The following ARPP19 variants were observed in gnomAD, a reference collection of about 807,000 sequenced individuals.
ARPP19 encodes the protein cAMP regulated phosphoprotein 19, also known as cAMP-regulated phosphoprotein 19.
Under a neutral mutation model 12.0 loss-of-function variants are expected in ARPP19, and 8 were observed. That is an observed-to-expected ratio of 0.67 (90% confidence interval 0.39 to 1.21). The LOEUF is 1.21. Among genes scored for constraint, ARPP19 ranks in the 50% most tolerant of loss-of-function variants. The pLI is 0.01. For synonymous variants in ARPP19, 47 were observed against 50.4 expected, an observed-to-expected ratio of 0.93 and a Z score of 0.29; for missense variants, 102 against 136.3, an observed-to-expected ratio of 0.75 and a Z score of 1.25.
At chr15:52,569,063 G>A (rs987772137), upstream of ARPP19, 4 of 582,678 alleles carry the variant, frequency 6.9e-6, no homozygotes, top group African/African-American at 4.1e-5. Flanking sequence ...CGCTGGCCAA[G>A]GCCCTCGCAC....
In ARPP19 at chr15:52,548,869, G is replaced by GT. The variant is rs1356169376; in HGVS notation, c.*3064_*3065insA. ...ATAGTTTTGTTTCATCAAGTAAAAA[G>GT]AGCAACTAATTCCAACTGTTGAAGT... On this transcript the variant is annotated 3_prime_UTR_variant, in exon 3 of 3. Coordinates refer to ENST00000249822, the MANE Select transcript of ARPP19 (RefSeq NM_006628.6). 6.6e-6 allele frequency: 1 copy of GT among 152,650 alleles called. No individual in the cohort carries two copies. Among genetic ancestry groups the GT allele is most frequent in the Non-Finnish European group, 1.5e-5 (1 of 68,048 alleles). 9.5% of individuals were successfully genotyped at this position (152,650 alleles called of 1,614,324 possible).
intron 1 of ARPP19, 88 bp from the exon 2 acceptor site, chr15:52,557,310 G>T: frequency 9.3e-7 from 1 of 1,070,076 alleles, no homozygotes; most frequent in Non-Finnish European, 1.3e-6. Context: ...CTGAATTCTA[G>T]TTGTTAAATG....
intron 1 of ARPP19, among the ~76,000 whole-genome samples, chr15:52,567,484 G>C (rs2078094638): frequency 6.6e-6 from 1 of 152,128 alleles, no homozygotes; most frequent in Non-Finnish European, 1.5e-5. Context: ...ACCACAGACA[G>C]GGACTTGTTA....
chr15:52,552,200 A>T (rs1304588137), intron 2 of ARPP19, 96 bp from the exon 3 acceptor site: 13 of 689,976 alleles, frequency 1.9e-5, no homozygotes, highest in Non-Finnish European at 3.3e-5. Flanking sequence ...AGGTTGGTCT[A>T]AAAGAATTTA....
intron 1 of ARPP19, among the ~76,000 whole-genome samples, chr15:52,562,616 G>A (rs139237710): frequency 5.8e-4 from 88 of 151,458 alleles, no homozygotes; most frequent in African/African-American, 1.9e-3. Context: ...GGGAGACAGA[G>A]TGAGACCCTG....
chr15:52,566,205 C>A, intron 1 of ARPP19, among the ~76,000 whole-genome samples: 1 of 152,152 alleles, frequency 6.6e-6, no homozygotes, highest in East Asian at 1.9e-4. Context: ...GTTGCCCAGG[C>A]AGGAGTACAG....
intron 2 of ARPP19, among the ~76,000 whole-genome samples, chr15:52,555,993 T>C (rs898477848): frequency 2.8e-4 from 43 of 152,102 alleles, no homozygotes; most frequent in African/African-American, 1.0e-3. Context: ...TTAACTAACA[T>C]TTTTGTAATA....
At chr15:52,552,465 G>GT (rs1566894102) in intron 2 of ARPP19, among the ~76,000 whole-genome samples, 2 of 151,364 alleles carry the variant, frequency 1.3e-5, no homozygotes, top group African/African-American at 4.9e-5. Flanking sequence ...GTGCACATCT[G>GT]TAACTCCAGC....
Position 52,562,395 on chromosome 15 carries a change from A to G in ARPP19, c.46-5173T>C, listed in dbSNP as rs142618027. Among the ~76,000 whole-genome samples the G allele has an allele frequency of 2.5e-3, 384 of 152,332 alleles. 1 individual carries two copies. Among genetic ancestry groups the G allele is most frequent in the Middle Eastern group, 0.014 (4 of 294 alleles). On this transcript the variant is annotated intron_variant, in intron 1 of 2. Transcript: ENST00000249822. The stretch of plus-strand genomic sequence containing the variant: ...TATAAATCTCTAATATTTAGAAATT[A>G]AAAACATACTTCTAAATAATTCCTG...
chr15:52,568,670 C>T (rs1471876399), intron 1 of ARPP19, 178 bp downstream of exon 1: 1 of 489,922 alleles, frequency 2.0e-6, no homozygotes, highest in African/African-American at 2.1e-5. Context: ...CACGTTGGAA[C>T]TCCCAATTCG....
intron 1 of ARPP19, 22 bp downstream of exon 1, chr15:52,568,826 G>A (rs1259225742): frequency 1.9e-6 from 3 of 1,560,612 alleles, no homozygotes; most frequent in African/African-American, 2.9e-5. Context: ...CAGGGCCCAG[G>A]GCTCACGCCC....
In ARPP19 at chr15:52,568,960, G is replaced by T; in HGVS notation, c.-68C>A. ...AGCGGGTGGCCGAGGCCACCCGGCC[G>T]CCGCCCGTCCCAGCTCTCCCAGGGC... On this transcript the variant is annotated 5_prime_UTR_variant, in exon 1 of 3. Transcript: ENST00000249822. 8.5e-7 allele frequency: 1 copy of T among 1,178,306 alleles called. No individual in the cohort carries two copies. The highest frequency in any genetic ancestry group is 1.2e-6 in the Non-Finnish European group (1 of 830,034). The allele number at this position is 1,178,306 out of a possible 1,614,324, so 73.0% of individuals were successfully genotyped here.
chr15:52,560,180 T>C (rs1322260928), intron 1 of ARPP19, among the ~76,000 whole-genome samples: 1 of 152,128 alleles, frequency 6.6e-6, no homozygotes, highest in Admixed American at 6.5e-5. Flanking sequence ...TTATTTTCTT[T>C]TTCTTTTTTT....
intron 1 of ARPP19, among the ~76,000 whole-genome samples, chr15:52,563,024 C>A (rs1222105143): frequency 6.6e-6 from 1 of 151,734 alleles, no homozygotes; most frequent in Non-Finnish European, 1.5e-5. Flanking sequence ...TACAGGTGCC[C>A]ATCACCGCAC....
At chr15:52,559,476 T>C (rs1435554922) in intron 1 of ARPP19, among the ~76,000 whole-genome samples, 1 of 152,234 alleles carries the variant, frequency 6.6e-6, no homozygotes, top group Non-Finnish European at 1.5e-5. Flanking sequence ...TCTAGCCATC[T>C]GTTCAAACGC....
At chr15:52,560,736 C>G (rs1461921975) in intron 1 of ARPP19, among the ~76,000 whole-genome samples, 24 of 152,210 alleles carry the variant, frequency 1.6e-4, no homozygotes, top group Admixed American at 1.6e-3. Context: ...TTATTAGGTT[C>G]TGTCAACGGC....
In ARPP19 at chr15:52,568,992, G is replaced by C; in HGVS notation, c.-100C>G. 2.4e-6 allele frequency: 2 copies of C among 849,338 alleles called. No homozygotes were observed. Among genetic ancestry groups the C allele is most frequent in the South Asian group, 1.6e-5 (1 of 61,590 alleles). The allele number at this position is 849,338 out of a possible 1,614,324, so 52.6% of individuals were successfully genotyped here. Reference sequence around the variant, plus strand: ...GTCCCAGCTCTCCCAGGGCCCGCCGGGCCGCCTCCGCCCGCGAAAATGGCC... The same window carrying C: ...GTCCCAGCTCTCCCAGGGCCCGCCGCGCCGCCTCCGCCCGCGAAAATGGCC... On this transcript the variant is annotated 5_prime_UTR_variant, in exon 1 of 3. Coordinates refer to ENST00000249822, the MANE Select transcript of ARPP19 (RefSeq NM_006628.6).
In ARPP19 at chr15:52,568,977, T is replaced by G; in HGVS notation, c.-85A>C. On this transcript the variant is annotated 5_prime_UTR_variant, in exon 1 of 3. Transcript: ENST00000249822. ...ACCCGGCCGCCGCCCGTCCCAGCTC[T>G]CCCAGGGCCCGCCGGGCCGCCTCCG... 1 of 1,023,954 alleles carries G rather than the reference T, an allele frequency of 9.8e-7. No homozygotes were observed. The highest frequency in any genetic ancestry group is 1.4e-6 in the Non-Finnish European group (1 of 708,510). The allele number at this position is 1,023,954 out of a possible 1,614,324, so 63.4% of individuals were successfully genotyped here.
In ARPP19 at chr15:52,568,987, C is replaced by G. The variant is rs1015149660; in HGVS notation, c.-95G>C. The G allele has an allele frequency of 1.1e-6, 1 of 883,112 alleles. No individual in the cohort carries two copies. The highest frequency in any genetic ancestry group is 1.8e-5 in the African/African-American group (1 of 54,764). 54.7% of individuals were successfully genotyped at this position (883,112 alleles called of 1,614,324 possible). ...CGCCCGTCCCAGCTCTCCCAGGGCC[C>G]GCCGGGCCGCCTCCGCCCGCGAAAA... On this transcript the variant is annotated 5_prime_UTR_variant, in exon 1 of 3. Transcript: ENST00000249822.
Sources: allele counts gnomAD v4.1 joint callset (sites outside exome capture counted in the v4.1 genomes callset), GRCh38; gene constraint gnomAD v4.1.1; transcripts MANE v1.5; gene names NCBI Gene and HGNC (gene_info 2026-07-23, HGNC 2026-07-21).